Variants in IRAK2 observed in about 807,000 individuals in gnomAD.
IRAK2 encodes interleukin-1 receptor-associated kinase-like 2.
A neutral mutation model predicts 72.0 loss-of-function variants in IRAK2; 57 were observed. The ratio of observed to expected loss-of-function variants is 0.79; its 90% CI spans 0.64 to 0.99. The LOEUF (loss-of-function observed/expected upper bound fraction) is 0.99. Among genes scored for constraint, IRAK2 ranks in the 50% least tolerant of loss-of-function variants. The pLI, the probability that IRAK2 is intolerant of heterozygous loss-of-function variation, is 0.00. For missense variants in IRAK2, 790 were observed against 794.4 expected (o/e 0.99, Z 0.07); for synonymous variants, 293 against 312.7 (o/e 0.94, Z 0.67).
At chr3:10,227,837 T>A (rs1697804167) in intron 10 of IRAK2, among the ~76,000 whole-genome samples, 1 of 151,546 alleles carries the variant, frequency 6.6e-6, no homozygotes, top group Non-Finnish European at 1.5e-5. Flanking sequence ...CCTGGCTAAT[T>A]TTTTTGTATT....
chr3:10,165,270 G>A (rs980279705), intron 1 of IRAK2, among the ~76,000 whole-genome samples: 2 of 152,186 alleles, frequency 1.3e-5, no homozygotes, highest in Non-Finnish European at 2.9e-5. Flanking sequence ...AGGGGCCGCC[G>A]CCACTGCGCT....
Position 10,213,297 on chromosome 3 carries a change from A to G in IRAK2, c.619A>G (p.Thr207Ala). Residue 207 changes from threonine to alanine, a missense_variant, in exon 5 of 13, where the codon ACC becomes GCC. Transcript: ENST00000256458. ...FWSEADVVQATDDFNQNRKIS... is the reference protein window; with the variant it reads ...FWSEADVVQAADDFNQNRKIS... ...GAGTGAGGCAGACGTGGTCCAGGCAACCGATGACTTCAATCAAAACCGCAA... is the reference window on the plus strand; with the variant it reads ...GAGTGAGGCAGACGTGGTCCAGGCAGCCGATGACTTCAATCAAAACCGCAA... 1.2e-6 allele frequency: 2 copies of G among 1,614,114 alleles called. No homozygotes were observed. Among genetic ancestry groups the G allele is most frequent in the Non-Finnish European group, 1.7e-6 (2 of 1,180,026 alleles).
chr3:10,179,590 T>G (rs1696930714), intron 2 of IRAK2, among the ~76,000 whole-genome samples: 1 of 152,078 alleles, frequency 6.6e-6, no homozygotes, highest in South Asian at 2.1e-4. Context: ...CCCACCACCA[T>G]GCCCGGCTAA....
intron 10 of IRAK2, among the ~76,000 whole-genome samples, chr3:10,230,046 C>A (rs555874516): frequency 6.6e-6 from 1 of 151,722 alleles, no homozygotes; most frequent in African/African-American, 2.4e-5. Context: ...TACAGTGAGT[C>A]GAGATTGTGC....
At chr3:10,165,428 G>T (rs983176489) in intron 1 of IRAK2, among the ~76,000 whole-genome samples, 5 of 131,130 alleles carry the variant, frequency 3.8e-5, no homozygotes, top group Non-Finnish European at 6.8e-5. Context: ...TCACTTCTTG[G>T]GGGGGTGTGT....
intron 2 of IRAK2, among the ~76,000 whole-genome samples, chr3:10,185,424 G>GCGCA (rs1697059225): frequency 6.6e-6 from 1 of 150,768 alleles, no homozygotes; most frequent in African/African-American, 2.5e-5. Context: ...GGGCGTGGTG[G>GCGCA]TGCATGCCTG....
chr3:10,174,077 C>T (rs1696837048), intron 1 of IRAK2, among the ~76,000 whole-genome samples: 1 of 152,102 alleles, frequency 6.6e-6, no homozygotes, highest in South Asian at 2.1e-4. Flanking sequence ...ATGCTGCCTC[C>T]CAAGATGGGA....
chr3:10,180,328 G>A (rs11465866), intron 2 of IRAK2, among the ~76,000 whole-genome samples: 2,776 of 152,212 alleles, frequency 0.018, 87 homozygotes, highest in African/African-American at 0.064. Context: ...CAGGTCCTCC[G>A]CCCTCATGAG....
At chr3:10,192,018 T>G (rs1393750912) in intron 2 of IRAK2, among the ~76,000 whole-genome samples, 1 of 130,916 alleles carries the variant, frequency 7.6e-6, no homozygotes, top group African/African-American at 3.2e-5. Flanking sequence ...CTAGCTTGAG[T>G]TGGGAGTGTG....
chr3:10,237,914 G>A (rs1326171610), intron 11 of IRAK2, among the ~76,000 whole-genome samples: 1 of 147,984 alleles, frequency 6.8e-6, no homozygotes, highest in Non-Finnish European at 1.5e-5. Flanking sequence ...GGGTATAAGG[G>A]TATGTATGTG....
intron 10 of IRAK2, among the ~76,000 whole-genome samples, chr3:10,231,970 CA>C (rs541153755): frequency 6.6e-6 from 1 of 151,952 alleles, no homozygotes; most frequent in Non-Finnish European, 1.5e-5. Context: ...ACTAAAAATA[CA>C]AAAAAATTAG....
At chr3:10,180,950 TG>T (rs1696951028) in intron 2 of IRAK2, among the ~76,000 whole-genome samples, 1 of 151,900 alleles carries the variant, frequency 6.6e-6, no homozygotes, top group Non-Finnish European at 1.5e-5. Flanking sequence ...GGGTCGGGAA[TG>T]GGGCGATCTG....
chr3:10,223,854 C>G (rs905275599), intron 9 of IRAK2, among the ~76,000 whole-genome samples: 3 of 152,216 alleles, frequency 2.0e-5, no homozygotes, highest in Non-Finnish European at 4.4e-5. Flanking sequence ...CTTCCTCTCT[C>G]TGACCACAGT....
chr3:10,215,267 A>C (rs904802584), intron 6 of IRAK2, among the ~76,000 whole-genome samples: 3 of 149,970 alleles, frequency 2.0e-5, no homozygotes, highest in African/African-American at 7.4e-5. Flanking sequence ...GTTGGCATGC[A>C]CCTGTAGTCC....
intron 10 of IRAK2, among the ~76,000 whole-genome samples, chr3:10,230,426 G>A (rs950915168): frequency 2.0e-5 from 3 of 152,028 alleles, no homozygotes; most frequent in Non-Finnish European, 4.4e-5. Flanking sequence ...GGGCTCAAGG[G>A]ATCCTCCCAC....
intron 11 of IRAK2, among the ~76,000 whole-genome samples, chr3:10,236,571 C>G (rs1265069766): frequency 6.6e-6 from 1 of 152,070 alleles, no homozygotes; most frequent in Non-Finnish European, 1.5e-5. Context: ...TGGTCTCGAA[C>G]TCCTGACCTC....
intron 1 of IRAK2, among the ~76,000 whole-genome samples, chr3:10,167,647 C>T (rs1696718056): frequency 6.6e-6 from 1 of 152,096 alleles, no homozygotes; most frequent in African/African-American, 2.4e-5. Context: ...GATCTCCTGA[C>T]CGTGTAATCC....
At chr3:10,167,344 T>C (rs569853765) in intron 1 of IRAK2, among the ~76,000 whole-genome samples, 1 of 152,192 alleles carries the variant, frequency 6.6e-6, no homozygotes, top group Non-Finnish European at 1.5e-5. Flanking sequence ...ATATAATATA[T>C]AGTGCTCTGT....
chr3:10,229,596 C>T (rs749703320), intron 10 of IRAK2, among the ~76,000 whole-genome samples: 1 of 152,172 alleles, frequency 6.6e-6, no homozygotes, highest in Non-Finnish European at 1.5e-5. Flanking sequence ...GGCAGATGCA[C>T]CCATTTGTTT....
Sources: allele counts gnomAD v4.1 joint callset (sites outside exome capture counted in the v4.1 genomes callset), GRCh38; gene constraint gnomAD v4.1.1; transcripts MANE v1.5; gene names NCBI Gene and HGNC (gene_info 2026-07-23, HGNC 2026-07-21).